RGS9: variants seen among roughly 807,000 people sequenced by gnomAD.
RGS9 encodes regulator of G protein signaling 9.
RGS9 carries 78 observed loss-of-function variants against 102.0 expected under a neutral mutation model. That is an observed-to-expected ratio of 0.76 (90% CI 0.64 to 0.92). The LOEUF is 0.92. RGS9 is among the 40% of genes least tolerant of loss of function. The pLI is 0.00. For missense variants in RGS9, 833 were observed against 866.1 expected, an observed-to-expected ratio of 0.96 and a Z score of 0.48; for synonymous variants, 353 against 318.6, an observed-to-expected ratio of 1.11 and a Z score of -1.15.
In RGS9 at chr17:65,137,563, A is replaced by G. The variant is rs1909955339; in HGVS notation, c.23A>G (p.Gln8Arg). 6.2e-7 allele frequency: 1 copy of G among 1,612,818 alleles called. No individual in the cohort carries two copies. The highest frequency in any genetic ancestry group is 1.7e-5 in the Admixed American group (1 of 60,014). Residue 8 changes from glutamine (Q) to arginine (R), a missense_variant, in exon 1 of 19, where the codon CAG becomes CGG. Transcript: ENST00000262406. MTIRHQGQQYRPRMAFLQ... is the reference protein window; with the variant it reads MTIRHQGRQYRPRMAFLQ... ...AGGATGACAATCCGACACCAAGGCC[A>G]GCAGTACAGGCCGAGGATGGCATTT...
intron 9 of RGS9, among the ~76,000 whole-genome samples, chr17:65,187,618 T>A (rs1039528693): frequency 1.3e-5 from 2 of 152,170 alleles, no homozygotes; most frequent in African/African-American, 4.8e-5. Context: ...AAGGAAGTAG[T>A]GTCCTCCTCA....
chr17:65,184,928 G>T (rs1408958429), intron 9 of RGS9, among the ~76,000 whole-genome samples: 1 of 150,992 alleles, frequency 6.6e-6, no homozygotes, highest in Non-Finnish European at 1.5e-5. Context: ...CCAGTGCAGT[G>T]GTGCCATTGT....
chr17:65,219,560 C>G (rs1052466961), intron 17 of RGS9, among the ~76,000 whole-genome samples: 1 of 152,236 alleles, frequency 6.6e-6, no homozygotes, highest in Admixed American at 6.5e-5. Flanking sequence ...ACAAACCCCT[C>G]TATCCATGGG....
chr17:65,157,326 T>G (rs1045469474), intron 2 of RGS9, among the ~76,000 whole-genome samples: 2 of 151,924 alleles, frequency 1.3e-5, no homozygotes, highest in African/African-American at 2.4e-5. Flanking sequence ...TCTGAGATGC[T>G]ATTACCTTGT....
chr17:65,192,356 A>T (rs1012470020), intron 11 of RGS9, among the ~76,000 whole-genome samples: 1 of 152,134 alleles, frequency 6.6e-6, no homozygotes, highest in South Asian at 2.1e-4. Flanking sequence ...GCTCACGCCT[A>T]TAATCCCAGC....
intron 1 of RGS9, among the ~76,000 whole-genome samples, chr17:65,142,231 A>T (rs1910184795): frequency 6.6e-6 from 1 of 152,208 alleles, no homozygotes; most frequent in African/African-American, 2.4e-5. Context: ...GTGACAGAGC[A>T]AGACTCAGTC....
chr17:65,206,371 G>A (rs148982692), intron 15 of RGS9, among the ~76,000 whole-genome samples: 11 of 152,174 alleles, frequency 7.2e-5, no homozygotes, highest in African/African-American at 2.4e-4. Flanking sequence ...ATTTTAAAAC[G>A]TTTTGGTTCT....
chr17:65,160,663 A>T, intron 5 of RGS9, 76 bp downstream of exon 5: 1 of 1,537,048 alleles, frequency 6.5e-7, no homozygotes. Context: ...CTTTGGTGAC[A>T]TTTGTCTTGC....
chr17:65,168,272 C>CCGATG lies in RGS9; in HGVS notation c.575_579dup (p.Pro194AspfsTer17). 1 of 1,606,648 alleles carries CCGATG rather than the reference C, an allele frequency of 6.2e-7. No homozygotes were observed. The highest frequency in any genetic ancestry group is 8.5e-7 in the Non-Finnish European group (1 of 1,175,646). On this transcript the variant is annotated frameshift_variant, in exon 8 of 19. Coordinates refer to ENST00000262406, the MANE Select transcript of RGS9 (RefSeq NM_003835.4). LOFTEE classifies it high-confidence loss of function. ...AGGAGAAGGCATACTGGCTGGTGCA[C>CCGATG]CGATGCCCTGTGAGTATCCTCCTGC...
chr17:65,210,338 G>T (rs1913242972), intron 16 of RGS9, 150 bp from the exon 17 acceptor site: 1 of 957,338 alleles, frequency 1.0e-6, no homozygotes, highest in Admixed American at 1.7e-5. Flanking sequence ...AGGAGCCAAG[G>T]TTGGACCCCA....
At position 65,160,331 on chromosome 17, in the gene RGS9, A is replaced by C; in HGVS notation, c.304A>C (p.Arg102=). 6.2e-7 allele frequency: 1 copy of C among 1,613,278 alleles called. No homozygotes were observed. Among genetic ancestry groups the C allele is most frequent in the Non-Finnish European group, 8.5e-7 (1 of 1,179,182 alleles). The part of the protein sequence containing the change: ...LILKPDGSLY[R]FQTPYFWPTQ... ...TCTCAAGCCTGATGGCAGCCTCTAC[A>C]GATTTCAGGTGAGTCTTGGCCTTGA... Residue 102 remains arginine (R), a synonymous_variant, in exon 4 of 19, where the codon AGA becomes CGA. Transcript: ENST00000262406.
intron 2 of RGS9, among the ~76,000 whole-genome samples, chr17:65,155,714 C>T (rs987286552): frequency 6.0e-4 from 91 of 152,172 alleles, no homozygotes; most frequent in African/African-American, 2.0e-3. Context: ...CCAGTTTTCT[C>T]ATTTTTAATG....
chr17:65,178,208 C>T (rs1276015663), intron 9 of RGS9, among the ~76,000 whole-genome samples: 4 of 152,112 alleles, frequency 2.6e-5, no homozygotes, highest in South Asian at 2.1e-4. Context: ...ACCCCAGCCT[C>T]GAAACTCTTG....
At chr17:65,152,189 G>A (rs1052786495) in intron 1 of RGS9, among the ~76,000 whole-genome samples, 1 of 152,190 alleles carries the variant, frequency 6.6e-6, no homozygotes, top group Admixed American at 6.5e-5. Context: ...AGCCAAGTTG[G>A]TCTCTTGCGA....
At chr17:65,157,627 G>A (rs1237263235) in intron 2 of RGS9, among the ~76,000 whole-genome samples, 1 of 151,912 alleles carries the variant, frequency 6.6e-6, no homozygotes, top group Non-Finnish European at 1.5e-5. Context: ...CAGGGCCTGG[G>A]GCGAGAGTAC....
chr17:65,181,386 A>G (rs1379683164), intron 9 of RGS9, among the ~76,000 whole-genome samples: 2 of 152,228 alleles, frequency 1.3e-5, no homozygotes, highest in African/African-American at 4.8e-5. Context: ...TTCGAGAATG[A>G]GTAAATTCTT....
At chr17:65,211,614 C>T (rs1023900134) in intron 17 of RGS9, among the ~76,000 whole-genome samples, 1 of 151,938 alleles carries the variant, frequency 6.6e-6, no homozygotes, top group Non-Finnish European at 1.5e-5. Flanking sequence ...TCTAACTGAC[C>T]TTGGGGGGTT....
chr17:65,212,454 A>G (rs1010301992), intron 17 of RGS9, among the ~76,000 whole-genome samples: 2 of 152,226 alleles, frequency 1.3e-5, no homozygotes, highest in African/African-American at 4.8e-5. Context: ...AGAGTTGGCC[A>G]TAAGAGCATG....
chr17:65,163,615 G>T (rs892812670), intron 7 of RGS9, among the ~76,000 whole-genome samples: 1 of 152,192 alleles, frequency 6.6e-6, no homozygotes, highest in Admixed American at 6.5e-5. Flanking sequence ...CTATGGTGCT[G>T]CTGTGAGATG....
Sources: gnomAD v4.1 joint callset for allele counts (sites outside exome capture counted in the v4.1 genomes callset) on GRCh38, gnomAD v4.1.1 for gene constraint, MANE v1.5 for transcripts, NCBI Gene and HGNC (gene_info 2026-07-23, HGNC 2026-07-21) for gene names.